The following H2BC4 variants were observed in gnomAD, a reference collection of about 807,000 sequenced individuals.
The protein encoded by H2BC4 is histone H2B type 1-C/E/F/G/I.
Under a neutral mutation model 6.2 loss-of-function variants are expected in H2BC4, and 10 were observed. That is an observed-to-expected ratio of 1.61 (90% CI 0.99 to 2.73). The LOEUF (loss-of-function observed/expected upper bound fraction) is 2.73, where lower values mean the gene tolerates loss of function less well. H2BC4 is among the 30% of genes most tolerant of loss of function. H2BC4 has a pLI of 0.00. For missense variants in H2BC4, 176 were observed against 168.7 expected (o/e 1.04, Z -0.24); for synonymous variants, 146 against 70.7 (o/e 2.07, Z -5.35).
At chr6:26,123,361 C>T, downstream of H2BC4, 1 of 1,273,766 alleles carries the variant, frequency 7.9e-7, no homozygotes, top group Non-Finnish European at 1.1e-6. Flanking sequence ...TTGTCCCTCT[C>T]TAAGCTGCAA....
At chr6:26,123,011 G>T (rs1226464119), downstream of H2BC4, among the ~76,000 whole-genome samples, 2 of 152,142 alleles carry the variant, frequency 1.3e-5, no homozygotes, top group Non-Finnish European at 2.9e-5. Flanking sequence ...GAAAACAGAG[G>T]GGGAGTCCTT....
At chr6:26,114,736 C>T (rs1364122017), downstream of H2BC4, 1 of 151,646 alleles carries the variant, frequency 6.6e-6, no homozygotes, top group Non-Finnish European at 1.5e-5. Flanking sequence ...ATAAATTATA[C>T]ATCCATAAAA....
intron 1 of H2BC4, among the ~76,000 whole-genome samples, chr6:26,117,789 G>GA (rs1561953542): frequency 6.6e-6 from 1 of 152,116 alleles, no homozygotes; most frequent in African/African-American, 2.4e-5. Context: ...AGAAATGGGA[G>GA]AAAAAAACTA....
intron 1 of H2BC4, among the ~76,000 whole-genome samples, chr6:26,118,082 A>G (rs1248678584): frequency 6.6e-6 from 1 of 152,218 alleles, no homozygotes; most frequent in Non-Finnish European, 1.5e-5. Flanking sequence ...CATTTTTGGT[A>G]AAAATATCTC....
intron 1 of H2BC4, among the ~76,000 whole-genome samples, chr6:26,115,345 C>T (rs1386133489): frequency 6.6e-6 from 1 of 152,104 alleles, no homozygotes; most frequent in African/African-American, 2.4e-5. Context: ...TGTCATTCTC[C>T]CTGCGTTATA....
intron 1 of H2BC4, among the ~76,000 whole-genome samples, chr6:26,117,642 C>G (rs1013353743): frequency 1.3e-5 from 2 of 152,114 alleles, no homozygotes; most frequent in African/African-American, 4.8e-5. Context: ...ACTCTATAGG[C>G]TCAGGGTAGT....
At chr6:26,122,049 G>A (rs1434849820), downstream of H2BC4, among the ~76,000 whole-genome samples, 1 of 80,858 alleles carries the variant, frequency 1.2e-5, no homozygotes, top group Admixed American at 1.4e-4. Flanking sequence ...GAGAAACTTC[G>A]TCTCAAAAAA....
At chr6:26,117,073 A>C (rs1763430942) in intron 1 of H2BC4, among the ~76,000 whole-genome samples, 1 of 152,210 alleles carries the variant, frequency 6.6e-6, no homozygotes, top group Non-Finnish European at 1.5e-5. Flanking sequence ...TTAAGTCCTT[A>C]GGAATATGCC....
At chr6:26,123,195 G>A (rs1329164847), downstream of H2BC4, among the ~76,000 whole-genome samples, 1 of 152,212 alleles carries the variant, frequency 6.6e-6, no homozygotes, top group Non-Finnish European at 1.5e-5. Flanking sequence ...CGTAGACAGG[G>A]ACAGACAGCT....
chr6:26,120,345 A>G (rs906248685), downstream of H2BC4, among the ~76,000 whole-genome samples: 10 of 152,000 alleles, frequency 6.6e-5, no homozygotes, highest in African/African-American at 2.4e-4. Flanking sequence ...GCTACTGGGG[A>G]GGCTGAGGCA....
intron 1 of H2BC4, among the ~76,000 whole-genome samples, chr6:26,117,229 C>A (rs985974689): frequency 1.3e-5 from 2 of 152,094 alleles, no homozygotes; most frequent in Non-Finnish European, 2.9e-5. Context: ...CAACTCCTAC[C>A]AAAGTCTTCA....
chr6:26,118,981 A>G (rs1335552247), downstream of H2BC4, among the ~76,000 whole-genome samples: 3 of 152,194 alleles, frequency 2.0e-5, no homozygotes, highest in Non-Finnish European at 4.4e-5. Flanking sequence ...GTGACAATCC[A>G]TAGTAAATTG....
rs1340178698 is a variant in H2BC4 at position 26,123,746 on chromosome 6, A to G, written c.159T>C (p.Thr53=). ...TGCCCATGGCCTTGGAAGAGATGCC[A>G]GTGTCGGGATGGACCTGTTTCAGCA... ...YKVLKQVHPD[T]GISSKAMGIM... is the part of the protein sequence containing the mutation. The change falls in exon 1 of 1, where the codon ACT becomes ACC. Residue 53 remains threonine, a synonymous_variant. Coordinates refer to ENST00000396984, the MANE Select transcript of H2BC4 (RefSeq NM_003526.3). 3 of 1,614,156 alleles carry G rather than the reference A, an allele frequency of 1.9e-6. No homozygotes were observed. The African/African-American group carries it at 4.0e-5, about 22-fold the overall frequency.
downstream of H2BC4, chr6:26,123,346 A>C: frequency 8.9e-7 from 1 of 1,118,068 alleles, no homozygotes. Flanking sequence ...CGGGTTCAGG[A>C]CCCTTTGTCC....
downstream of H2BC4, chr6:26,123,392 C>T (rs1763538173): frequency 6.9e-7 from 1 of 1,444,334 alleles, no homozygotes. Flanking sequence ...CACCCCTCTC[C>T]AGTTCCTATA....
intron 1 of H2BC4, among the ~76,000 whole-genome samples, chr6:26,115,506 C>T (rs1370743619): frequency 6.6e-6 from 1 of 152,166 alleles, no homozygotes; most frequent in Non-Finnish European, 1.5e-5. Flanking sequence ...CCTAAAGTTC[C>T]ATTTGATCTA....
At chr6:26,120,026 T>G (rs1763478910), downstream of H2BC4, among the ~76,000 whole-genome samples, 1 of 152,094 alleles carries the variant, frequency 6.6e-6, no homozygotes, top group African/African-American at 2.4e-5. Flanking sequence ...AAGGAAAATT[T>G]TTGATTTTTT....
downstream of H2BC4, chr6:26,123,321 A>C: frequency 1.1e-6 from 1 of 931,666 alleles, no homozygotes; most frequent in South Asian, 2.0e-5. Flanking sequence ...GCCATTTTTA[A>C]TGGCTGGCTT....
downstream of H2BC4, among the ~76,000 whole-genome samples, chr6:26,122,457 C>T (rs1290703144): frequency 6.6e-6 from 1 of 152,140 alleles, no homozygotes; most frequent in Non-Finnish European, 1.5e-5. Flanking sequence ...AAATCTTTAC[C>T]TGGAAAAGAC....
Sources: gnomAD v4.1 joint callset for allele counts (sites outside exome capture counted in the v4.1 genomes callset) on GRCh38, gnomAD v4.1.1 for gene constraint, MANE v1.5 for transcripts, NCBI Gene and HGNC (gene_info 2026-07-23, HGNC 2026-07-21) for gene names.